Variants in DIP2A observed in about 807,000 individuals in gnomAD.
DIP2A encodes DIP2 acetate--CoA ligase A.
A neutral mutation model predicts 177.4 loss-of-function variants in DIP2A; 85 were observed. The observed-to-expected ratio is 0.48, with a 90% CI of 0.40 to 0.57. The LOEUF (loss-of-function observed/expected upper bound fraction) is 0.57. DIP2A is among the 20% of genes least tolerant of loss of function. The probability of loss-of-function intolerance (pLI) is 0.00; values close to 1 mark genes in which losing one functional copy is unlikely to be tolerated. For synonymous variants in DIP2A, 886 were observed against 881.8 expected, an observed-to-expected ratio of 1.00 and a Z score of -0.08; for missense variants, 1,791 against 2,100.2, an observed-to-expected ratio of 0.85 and a Z score of 2.88.
rs1446036605 is a variant in DIP2A, at chr21:46,498,245, A to G, written c.404-337A>G. On this transcript the variant is annotated intron_variant, in intron 4 of 37. Transcript: ENST00000417564. The surrounding 1 kb of genome is among the most constrained non-coding windows in gnomAD (Gnocchi z 4.3). ...GTCCGACTCTGTGGACATGCAGTGC[A>G]GCACTGAATATTCACAGAACACCCC... 6.6e-6 allele frequency among the ~76,000 whole-genome samples: 1 copy of G among 152,204 alleles called. No homozygotes were observed. The highest frequency in any genetic ancestry group is 2.4e-5 in the African/African-American group (1 of 41,462).
At chr21:46,512,253 G>A (rs2058347746) in intron 8 of DIP2A, among the ~76,000 whole-genome samples, 1 of 152,176 alleles carries the variant, frequency 6.6e-6, no homozygotes, top group African/African-American at 2.4e-5. Context: ...TGGGGCTATT[G>A]TGTATAGTGC....
chr21:46,472,130 A>G (rs555152219), intron 1 of DIP2A, among the ~76,000 whole-genome samples: 2 of 152,210 alleles, frequency 1.3e-5, no homozygotes, highest in Non-Finnish European at 2.9e-5. Flanking sequence ...CCCTCATCCA[A>G]TAGGACTGGT....
At position 46,548,181 on chromosome 21, in the gene DIP2A, CGTGTGTGT is replaced by C. The variant is rs151337762; in HGVS notation, c.2522+1160_2522+1167del. Among the ~76,000 whole-genome samples, 24 of 147,676 alleles carry C rather than the reference CGTGTGTGT, an allele frequency of 1.6e-4. No homozygotes were observed. In the South Asian group the frequency reaches 2.0e-3, roughly 12 times the overall value. On this transcript the variant is annotated intron_variant, in intron 21 of 37. Coordinates refer to ENST00000417564, the MANE Select transcript of DIP2A (RefSeq NM_015151.4). ...GGCAGGCTGTGCTCATGCATGTGTG[CGTGTGTGT>C]GTGTGTGTGTGTGTGTGTGTTTGTG...
chr21:46,553,453 G>T (rs2060344709), intron 25 of DIP2A: 1 of 152,280 alleles, frequency 6.6e-6, no homozygotes. Flanking sequence ...GAGCAGAGAG[G>T]TAGGGTTACC....
At chr21:46,560,688 C>G in intron 32 of DIP2A, 34 bp from the exon 33 acceptor site, 1 of 1,589,342 alleles carries the variant, frequency 6.3e-7, no homozygotes, top group South Asian at 1.1e-5. Context: ...AGTGAGGCCC[C>G]TGAACAGAAG....
chr21:46,474,889 G>T (rs1265318609), intron 1 of DIP2A, among the ~76,000 whole-genome samples: 1 of 152,208 alleles, frequency 6.6e-6, no homozygotes, highest in Admixed American at 6.5e-5. Context: ...GATGGAGCAG[G>T]TCTGCAGCAG....
At chr21:46,562,417 G>A (rs1176950987) in intron 34 of DIP2A, among the ~76,000 whole-genome samples, 1 of 152,208 alleles carries the variant, frequency 6.6e-6, no homozygotes, top group Non-Finnish European at 1.5e-5. Context: ...TATGAGTCGG[G>A]GACCCTGGTG....
chr21:46,497,740 G>A (rs554825190), intron 4 of DIP2A, among the ~76,000 whole-genome samples: 2 of 152,064 alleles, frequency 1.3e-5, no homozygotes, highest in Non-Finnish European at 2.9e-5. Flanking sequence ...CCCATTTTTG[G>A]TTTGAGGTAT....
intron 7 of DIP2A, among the ~76,000 whole-genome samples, chr21:46,509,676 C>A (rs2148617363): frequency 6.6e-6 from 1 of 152,214 alleles, no homozygotes; most frequent in East Asian, 1.9e-4. Context: ...GAAATACTTA[C>A]CTTCTTGTGG....
intron 37 of DIP2A, 65 bp from the exon 38 acceptor site, chr21:46,567,305 A>G: frequency 6.5e-7 from 1 of 1,550,318 alleles, no homozygotes; most frequent in Non-Finnish European, 8.7e-7. Context: ...CCCTTTCCCA[A>G]GCATTCATTG....
chr21:46,576,304 G>T, the DIP2A span, among the ~76,000 whole-genome samples: 48 of 152,160 alleles, frequency 3.2e-4, no homozygotes, highest in African/African-American at 1.1e-3. Flanking sequence ...GCCCCAGTGT[G>T]TGTTGTTCCC....
At chr21:46,565,566 T>C (rs1687958138) in intron 35 of DIP2A, 147 bp from the exon 36 acceptor site, 1 of 821,248 alleles carries the variant, frequency 1.2e-6, no homozygotes, top group African/African-American at 1.7e-5. Context: ...TTAACTTAGT[T>C]CATAAAATAA....
At chr21:46,565,284 G>A (rs1256821047) in intron 35 of DIP2A, among the ~76,000 whole-genome samples, 1 of 152,248 alleles carries the variant, frequency 6.6e-6, no homozygotes, top group Non-Finnish European at 1.5e-5. Flanking sequence ...TGTGCCGTCT[G>A]TTTTCAGGGC....
At chr21:46,536,429 G>C (rs2059572289) in intron 13 of DIP2A, among the ~76,000 whole-genome samples, 1 of 152,232 alleles carries the variant, frequency 6.6e-6, no homozygotes, top group Non-Finnish European at 1.5e-5. Flanking sequence ...GAGGAAGAGT[G>C]ACTTTCCGAA....
intron 34 of DIP2A, among the ~76,000 whole-genome samples, chr21:46,562,731 C>T (rs1221869845): frequency 6.6e-6 from 1 of 152,194 alleles, no homozygotes; most frequent in Non-Finnish European, 1.5e-5. Context: ...TTGAAAAGCT[C>T]CCTTCCCGTG....
chr21:46,488,041 A>C (rs1325128161), intron 2 of DIP2A, among the ~76,000 whole-genome samples: 1 of 152,176 alleles, frequency 6.6e-6, no homozygotes, highest in Admixed American at 6.5e-5. Flanking sequence ...CTGGCATTTG[A>C]GTTACTAAAC....
chr21:46,472,703 A>T (rs1292896559), intron 1 of DIP2A, among the ~76,000 whole-genome samples: 1 of 152,218 alleles, frequency 6.6e-6, no homozygotes, highest in Non-Finnish European at 1.5e-5. Flanking sequence ...GGGCTAACTT[A>T]CAGCAGGGCT....
At position 46,519,394 on chromosome 21, in the gene DIP2A, T is replaced by A. The variant is rs763551149; in HGVS notation, c.1102+7780T>A. 3.9e-4 allele frequency among the ~76,000 whole-genome samples: 60 copies of A among 152,158 alleles called. 1 individual carries two copies. Among genetic ancestry groups the A allele is most frequent in the Admixed American group, 1.9e-3 (29 of 15,278 alleles). ...TACCTAGCCCCTATTCAAGATGGAGTTGCTCTGGTTTAAACGCCTCTGACA... is the reference window on the plus strand; with the variant it reads ...TACCTAGCCCCTATTCAAGATGGAGATGCTCTGGTTTAAACGCCTCTGACA... On this transcript the variant is annotated intron_variant, in intron 8 of 37. Coordinates refer to ENST00000417564, the MANE Select transcript of DIP2A (RefSeq NM_015151.4).
At chr21:46,480,107 G>A (rs569115242) in intron 1 of DIP2A, among the ~76,000 whole-genome samples, 1 of 149,816 alleles carries the variant, frequency 6.7e-6, no homozygotes, top group African/African-American at 2.5e-5. Context: ...ATTATGGTCA[G>A]GTATTGTATT....
Sources: allele counts gnomAD v4.1 joint callset (sites outside exome capture counted in the v4.1 genomes callset), GRCh38; gene constraint gnomAD v4.1.1; non-coding constraint Gnocchi (gnomAD v3.1); transcripts MANE v1.5; gene names NCBI Gene and HGNC (gene_info 2026-07-23, HGNC 2026-07-21).